LAMA2: variants seen among roughly 807,000 people sequenced by gnomAD.
LAMA2 encodes laminin subunit alpha 2.
A neutral mutation model predicts 364.8 loss-of-function variants in LAMA2; 269 were observed. The ratio of observed to expected loss-of-function variants is 0.74; its 90% CI spans 0.67 to 0.82. LAMA2 has a LOEUF of 0.82. Ranked by LOEUF, LAMA2 falls within the 40% of genes least tolerant of loss-of-function variation. LAMA2 has a pLI of 0.00. For missense variants in LAMA2, 3,807 were observed against 3,873.2 expected, an observed-to-expected ratio of 0.98 and a Z score of 0.45; for synonymous variants, 1,379 against 1,370.6, an observed-to-expected ratio of 1.01 and a Z score of -0.14.
chr6:129,442,286 G>A (rs747223051), intron 43 of LAMA2: 7 of 1,184,190 alleles, frequency 5.9e-6, no homozygotes, highest in African/African-American at 3.2e-5. Flanking sequence ...CATGAGCAAG[G>A]AAGAGTACAA....
At chr6:129,465,838 T>G (rs1424720352) in intron 51 of LAMA2, among the ~76,000 whole-genome samples, 1 of 151,960 alleles carries the variant, frequency 6.6e-6, no homozygotes, top group African/African-American at 2.4e-5. Flanking sequence ...TTAGAGAAAG[T>G]AAAATATACA....
At chr6:129,077,613 G>A (rs1383538988) in intron 3 of LAMA2, among the ~76,000 whole-genome samples, 2 of 151,888 alleles carry the variant, frequency 1.3e-5, no homozygotes, top group Non-Finnish European at 2.9e-5. Context: ...AAGATATAAA[G>A]TTGTTTTATT....
chr6:129,334,536 T>A (rs544188908), intron 29 of LAMA2, among the ~76,000 whole-genome samples: 7 of 152,158 alleles, frequency 4.6e-5, no homozygotes, highest in Non-Finnish European at 1.0e-4. Context: ...GAAGAACCAA[T>A]CAGTTGATAA....
intron 1 of LAMA2, among the ~76,000 whole-genome samples, chr6:128,922,610 C>A (rs1211462105): frequency 6.6e-6 from 1 of 151,582 alleles, no homozygotes; most frequent in Non-Finnish European, 1.5e-5. Context: ...GGATATTAGC[C>A]CTTTGTCAGA....
chr6:129,314,584 A>T, intron 23 of LAMA2, 71 bp from the exon 24 acceptor site: 2 of 1,409,324 alleles, frequency 1.4e-6, no homozygotes, highest in South Asian at 1.2e-5. Flanking sequence ...TGCTCCCGTT[A>T]TGCATTCTCA....
intron 28 of LAMA2, 54 bp from the exon 29 acceptor site, chr6:129,328,224 T>A (rs1307842136): frequency 6.8e-7 from 1 of 1,477,950 alleles, no homozygotes; most frequent in African/African-American, 1.4e-5. Flanking sequence ...GCTCAAGCGT[T>A]GCTAATGCAG....
chr6:129,430,444 G>A (rs1781533680), intron 41 of LAMA2, among the ~76,000 whole-genome samples: 1 of 152,182 alleles, frequency 6.6e-6, no homozygotes, highest in Non-Finnish European at 1.5e-5. Context: ...CTTGCCGGGA[G>A]CAATTTGTTT....
At chr6:129,399,288 G>A (rs1779829971) in intron 37 of LAMA2, among the ~76,000 whole-genome samples, 1 of 152,156 alleles carries the variant, frequency 6.6e-6, no homozygotes, top group Non-Finnish European at 1.5e-5. Context: ...GTTACTGGGT[G>A]CCAGGCAGTG....
chr6:129,268,583 A>G (rs527439993), intron 16 of LAMA2, among the ~76,000 whole-genome samples: 24 of 152,204 alleles, frequency 1.6e-4, no homozygotes, highest in African/African-American at 4.8e-4. Flanking sequence ...TGTTGATGTG[A>G]TATTTCTAAA....
chr6:129,329,547 A>T (rs1223607780), intron 29 of LAMA2, among the ~76,000 whole-genome samples: 4 of 151,976 alleles, frequency 2.6e-5, no homozygotes, highest in Admixed American at 2.6e-4. Flanking sequence ...TTTTTAGTAG[A>T]GACGGGGTTT....
intron 22 of LAMA2, among the ~76,000 whole-genome samples, chr6:129,308,087 G>T (rs991214110): frequency 1.3e-5 from 2 of 152,216 alleles, no homozygotes; most frequent in African/African-American, 4.8e-5. Context: ...CTTCAAGGAA[G>T]TTCAGATGTC....
At chr6:129,136,474 A>G (rs2114945799) in intron 4 of LAMA2, among the ~76,000 whole-genome samples, 1 of 152,212 alleles carries the variant, frequency 6.6e-6, no homozygotes, top group South Asian at 2.1e-4. Context: ...GTAGAAAAAG[A>G]AAATGTTACA....
At chr6:129,477,476 G>GATT (rs1784125233) in intron 53 of LAMA2, among the ~76,000 whole-genome samples, 1 of 152,122 alleles carries the variant, frequency 6.6e-6, no homozygotes, top group Non-Finnish European at 1.5e-5. Flanking sequence ...TAGGTACTAT[G>GATT]ATTATTATTA....
At chr6:129,338,267 G>A (rs1325189679) in intron 29 of LAMA2, among the ~76,000 whole-genome samples, 1 of 152,148 alleles carries the variant, frequency 6.6e-6, no homozygotes, top group Admixed American at 6.6e-5. Context: ...GCAAAAGGCT[G>A]AAAATTATTG....
intron 48 of LAMA2, among the ~76,000 whole-genome samples, chr6:129,459,224 A>T (rs931548727): frequency 5.9e-5 from 9 of 152,206 alleles, no homozygotes; most frequent in African/African-American, 2.2e-4. Context: ...ACTCAATGGT[A>T]AGTATTTGTG....
At chr6:129,435,905 C>G (rs1207643499) in intron 41 of LAMA2, among the ~76,000 whole-genome samples, 2 of 152,148 alleles carry the variant, frequency 1.3e-5, no homozygotes, top group African/African-American at 4.8e-5. Context: ...TGCACAGTTC[C>G]TCTAATGAGC....
intron 1 of LAMA2, among the ~76,000 whole-genome samples, chr6:128,884,976 T>C (rs145355049): frequency 1.9e-3 from 296 of 152,262 alleles, no homozygotes; most frequent in East Asian, 0.013. Flanking sequence ...CCCTTCTTAT[T>C]TACTCTCTTT....
Position 129,383,142 on chromosome 6 carries a change from T to C in LAMA2, c.4980T>C (p.Asp1660=), listed in dbSNP as rs1562512803. 1.2e-6 allele frequency: 2 copies of C among 1,613,828 alleles called. No individual in the cohort carries two copies. The stretch of plus-strand genomic sequence containing the variant: ...ATTAGGCTACCAAAGTGACAGCAGA[T>C]GGCGAGCAGACCGGACAGGATGCTG... ...LLTRATKVTA[D]GEQTGQDAER... The change falls in exon 35 of 65, where the codon GAT becomes GAC. Residue 1660 remains aspartate, a synonymous_variant. Coordinates refer to ENST00000421865, the MANE Select transcript of LAMA2 (RefSeq NM_000426.4).
chr6:128,964,258 C>T (rs999677079), intron 1 of LAMA2, among the ~76,000 whole-genome samples: 4 of 151,982 alleles, frequency 2.6e-5, no homozygotes, highest in African/African-American at 9.7e-5. Flanking sequence ...TGATGAGTAG[C>T]CAATGATGTT....
Sources: gnomAD v4.1 joint callset for allele counts (sites outside exome capture counted in the v4.1 genomes callset) on GRCh38, gnomAD v4.1.1 for gene constraint, MANE v1.5 for transcripts, NCBI Gene and HGNC (gene_info 2026-07-23, HGNC 2026-07-21) for gene names.